CLEC12A: variants seen among roughly 807,000 people sequenced by gnomAD.
The protein encoded by CLEC12A is C-type lectin domain family 12 member A.
Under a neutral mutation model 26.5 loss-of-function variants are expected in CLEC12A, and 22 were observed. That is an observed-to-expected ratio of 0.83 (90% confidence interval 0.59 to 1.19). CLEC12A has a LOEUF of 1.19. Among genes scored for constraint, CLEC12A ranks in the 50% most tolerant of loss-of-function variants. The pLI, the probability that CLEC12A is intolerant of heterozygous loss-of-function variation, is 0.00. For missense variants in CLEC12A, 353 were observed against 315.6 expected, an observed-to-expected ratio of 1.12 and a Z score of -0.90; for synonymous variants, 119 against 101.9, an observed-to-expected ratio of 1.17 and a Z score of -1.01.
chr12:9,951,388 A>T (rs1287688595), intron 1 of CLEC12A: 2 of 702,914 alleles, frequency 2.8e-6, no homozygotes, highest in East Asian at 5.4e-5. Context: ...CGACAGTGGG[A>T]ATGGCTCCTC....
chr12:9,984,793 G>T, intron 5 of CLEC12A, 77 bp from the exon 6 acceptor site: 1 of 1,278,676 alleles, frequency 7.8e-7, no homozygotes. Context: ...TATCATGTTG[G>T]AAGTGTAATT....
At chr12:9,983,541 C>T (rs1052912540) in intron 5 of CLEC12A, 18 of 694,152 alleles carry the variant, frequency 2.6e-5, no homozygotes, top group African/African-American at 1.4e-4. Flanking sequence ...AAATATCAAA[C>T]GAAGAAAGAA....
At chr12:9,954,009 C>T (rs1318714250) in intron 1 of CLEC12A, among the ~76,000 whole-genome samples, 3 of 144,342 alleles carry the variant, frequency 2.1e-5, no homozygotes, top group Non-Finnish European at 4.6e-5. Flanking sequence ...TGCTTGAAGG[C>T]AGCATGCTCG....
chr12:9,986,956 T>C (rs990452382), downstream of CLEC12A, among the ~76,000 whole-genome samples: 3 of 152,230 alleles, frequency 2.0e-5, no homozygotes, highest in African/African-American at 7.2e-5. Context: ...TCAAATTCTT[T>C]TATTTTAAAA....
At position 9,953,103 on chromosome 12, in the gene CLEC12A, C is replaced by A. The variant is rs554425596; in HGVS notation, c.10+1747C>A. The A allele has an allele frequency of 2.2e-3, 313 of 144,608 alleles. 3 individuals carry two copies. Among genetic ancestry groups the A allele is most frequent in the Non-Finnish European group, 3.7e-3 (254 of 68,306 alleles). The allele number at this position is 144,608 out of a possible 1,614,324, so 9.0% of individuals were successfully genotyped here. ...GGAGGTGGGGGGGGTTAGCCCTCCG[C>A]CCGGCCAGCCGCCCCATCCGGGAGG... On this transcript the variant is annotated intron_variant, in intron 1 of 6. Transcript: ENST00000355690.
downstream of CLEC12A, among the ~76,000 whole-genome samples, chr12:9,990,058 CA>C (rs1391894461): frequency 2.6e-5 from 4 of 151,586 alleles, no homozygotes; most frequent in South Asian, 2.1e-4. Flanking sequence ...GTCTTTTTTT[CA>C]AAATATTACA....
At chr12:9,966,290 TG>T (rs1465071261) in intron 1 of CLEC12A, among the ~76,000 whole-genome samples, 3 of 152,346 alleles carry the variant, frequency 2.0e-5, no homozygotes, top group Admixed American at 6.5e-5. Flanking sequence ...GTGTCTGTGA[TG>T]GTCCTGTAGG....
intron 3 of CLEC12A, 46 bp downstream of exon 3, chr12:9,979,570 A>G (rs769702751): frequency 7.2e-7 from 1 of 1,383,700 alleles, no homozygotes; most frequent in South Asian, 1.3e-5. Context: ...AATAAACTAA[A>G]CCACTGAGTC....
downstream of CLEC12A, among the ~76,000 whole-genome samples, chr12:9,987,910 G>A (rs896410903): frequency 6.6e-6 from 1 of 152,102 alleles, no homozygotes; most frequent in African/African-American, 2.4e-5. Context: ...CTTGGTTCAA[G>A]TGATTCTCCT....
At chr12:9,993,494 T>C (rs202000623) in intron 4 of CLEC12A, among the ~76,000 whole-genome samples, 52 of 152,238 alleles carry the variant, frequency 3.4e-4, no homozygotes, top group South Asian at 6.2e-4. Flanking sequence ...AATATCAATT[T>C]CATTTAGCAT....
At chr12:9,965,690 T>C (rs895890848) in intron 1 of CLEC12A, among the ~76,000 whole-genome samples, 1 of 152,034 alleles carries the variant, frequency 6.6e-6, no homozygotes, top group Non-Finnish European at 1.5e-5. Flanking sequence ...CTGTAAGCCT[T>C]GTCTGGTTTT....
At chr12:9,957,523 G>A (rs757471762) in intron 1 of CLEC12A, among the ~76,000 whole-genome samples, 2 of 152,022 alleles carry the variant, frequency 1.3e-5, no homozygotes, top group South Asian at 2.1e-4. Context: ...CAAAAAAAAG[G>A]TGTGGGTAGA....
downstream of CLEC12A, among the ~76,000 whole-genome samples, chr12:9,998,796 T>C (rs1315304690): frequency 2.0e-5 from 3 of 152,232 alleles, no homozygotes; most frequent in Non-Finnish European, 4.4e-5. Flanking sequence ...TTGACTTCTA[T>C]GCCCTCGAGT....
chr12:9,963,011 C>G (rs1321617620), intron 1 of CLEC12A, among the ~76,000 whole-genome samples: 1 of 152,110 alleles, frequency 6.6e-6, no homozygotes, highest in African/African-American at 2.4e-5. Flanking sequence ...AGAGATTAAG[C>G]TGAAGGAAGA....
rs776400405 is a variant in CLEC12A, at chr12:9,982,088, T to C, written c.600T>C (p.Thr200=). The stretch of plus-strand genomic sequence containing the variant: ...GATTATCTCCTGAAGAAGATTCCAC[T>C]CGTGGTATGAGAGTGGATAATATAA... ...WLGLSPEEDS[T]RGMRVDNIIN... Residue 200 remains threonine, a synonymous_variant, in exon 5 of 6, where the codon ACT becomes ACC. Coordinates refer to ENST00000304361, the MANE Select transcript of CLEC12A (RefSeq NM_138337.6). 31 of 1,599,924 alleles carry C rather than the reference T, an allele frequency of 1.9e-5. No individual in the cohort carries two copies. The highest frequency in any genetic ancestry group is 2.5e-5 in the Non-Finnish European group (29 of 1,167,996).
At chr12:10,003,862 G>C in the CLEC12A span, among the ~76,000 whole-genome samples, 1 of 152,178 alleles carries the variant, frequency 6.6e-6, no homozygotes, top group African/African-American at 2.4e-5. Flanking sequence ...GTTGCAATGA[G>C]CCAAAATTGT....
At chr12:9,983,045 C>A (rs1271236477) in intron 5 of CLEC12A, among the ~76,000 whole-genome samples, 1 of 152,070 alleles carries the variant, frequency 6.6e-6, no homozygotes, top group Non-Finnish European at 1.5e-5. Context: ...TTTTCTTATG[C>A]AATAATCCGT....
At chr12:9,998,249 T>G (rs767930448), downstream of CLEC12A, 1 of 1,545,888 alleles carries the variant, frequency 6.5e-7, no homozygotes. Flanking sequence ...ATTACCTTCC[T>G]CCAGTCAAAT....
chr12:9,959,452 C>A (rs1200299732), intron 1 of CLEC12A, among the ~76,000 whole-genome samples: 48 of 140,788 alleles, frequency 3.4e-4, no homozygotes, highest in Non-Finnish European at 2.9e-4. Flanking sequence ...AACTCTGTCT[C>A]AAAAAAAAAA....
Sources: gnomAD v4.1 joint callset for allele counts (sites outside exome capture counted in the v4.1 genomes callset) on GRCh38, gnomAD v4.1.1 for gene constraint, MANE v1.5 for transcripts, NCBI Gene and HGNC (gene_info 2026-07-23, HGNC 2026-07-21) for gene names.